PKNOX2: variants seen among roughly 807,000 people sequenced by gnomAD.
PKNOX2 encodes the protein PBX/knotted 1 homeobox 2.
Under a neutral mutation model 53.1 loss-of-function variants are expected in PKNOX2, and 14 were observed. The observed-to-expected ratio is 0.26, with a 90% CI of 0.17 to 0.41. The LOEUF (loss-of-function observed/expected upper bound fraction) is 0.41. Ranked by LOEUF, PKNOX2 falls within the 10% of genes least tolerant of loss-of-function variation. PKNOX2 has a pLI of 1.00. For missense variants in PKNOX2, 496 were observed against 602.8 expected, an observed-to-expected ratio of 0.82 and a Z score of 1.85; for synonymous variants, 257 against 242.8, an observed-to-expected ratio of 1.06 and a Z score of -0.54.
chr11:125,320,834 G>A (rs1036734597), intron 2 of PKNOX2, among the ~76,000 whole-genome samples: 111 of 152,168 alleles, frequency 7.3e-4, no homozygotes, highest in African/African-American at 2.7e-3. Context: ...ACCCTTAGGA[G>A]GCAGGATGAC....
intron 1 of PKNOX2, among the ~76,000 whole-genome samples, chr11:125,193,298 T>C (rs1956988347): frequency 6.6e-6 from 1 of 152,212 alleles, no homozygotes; most frequent in Non-Finnish European, 1.5e-5. Flanking sequence ...ACAGTGTATC[T>C]GCGCGGCAGA....
In PKNOX2 at chr11:125,220,687, G is replaced by A. The variant is rs77410804; in HGVS notation, c.-200-14358G>A. On this transcript the variant is annotated intron_variant, in intron 1 of 12. Transcript: ENST00000298282. ...TCCCGTCATACCTTGCCTAGGATCC[G>A]GCCTTGTTCTATTTCTCCATCCATC... Among the ~76,000 whole-genome samples, 1,460 of 152,208 alleles carry A rather than the reference G, an allele frequency of 9.6e-3. 28 individuals are homozygous for A. The highest frequency in any genetic ancestry group is 0.033 in the African/African-American group (1,385 of 41,512).
chr11:125,189,919 C>T (rs1359810285), intron 1 of PKNOX2: 2 of 145,464 alleles, frequency 1.4e-5, no homozygotes, highest in East Asian at 4.2e-4. Flanking sequence ...GTTAATAGCT[C>T]TCTTTTCATT....
chr11:125,195,922 C>A lies in PKNOX2; in HGVS notation c.-201+31146C>A, dbSNP rs555116649. On this transcript the variant is annotated intron_variant, in intron 1 of 12. Transcript: ENST00000298282. ...ACACACACACACACACACACACACA[C>A]AATTCATTGACAATATCCCAGACAC... Among the ~76,000 whole-genome samples the A allele has an allele frequency of 1.9e-3, 268 of 141,308 alleles. 1 individual carries two copies. The highest frequency in any genetic ancestry group is 7.2e-3 in the African/African-American group (266 of 37,136). The allele number at this position is 141,308 out of a possible 152,430, so 92.7% of individuals were successfully genotyped here. A position where few individuals can be genotyped will look rare whatever the true frequency, so the allele number is the denominator to read the frequency against.
Position 125,235,759 on chromosome 11 carries a change from G to A in PKNOX2, c.-130+644G>A, listed in dbSNP as rs539195907. 2.6e-5 allele frequency among the ~76,000 whole-genome samples: 4 copies of A among 152,272 alleles called. No individual in the cohort carries two copies. In the East Asian group the frequency reaches 7.7e-4, roughly 29 times the overall value. On this transcript the variant is annotated intron_variant, in intron 2 of 12. Transcript: ENST00000298282. ...TCTCTTCCCCTTCTGAAATTCCGCA[G>A]CATTCACACACGCTGCCCCTGCCTG...
At chr11:125,174,566 AG>A (rs1217421999) in intron 1 of PKNOX2, among the ~76,000 whole-genome samples, 1 of 152,208 alleles carries the variant, frequency 6.6e-6, no homozygotes, top group East Asian at 1.9e-4. Flanking sequence ...AGTTTGTAGA[AG>A]GTGATAGGAC....
intron 7 of PKNOX2, among the ~76,000 whole-genome samples, chr11:125,399,956 T>C (rs1452871186): frequency 6.6e-6 from 1 of 152,172 alleles, no homozygotes; most frequent in Non-Finnish European, 1.5e-5. Flanking sequence ...ATGGTTAAGT[T>C]CTCAGAGATG....
At chr11:125,286,979 G>A (rs1004422586) in intron 2 of PKNOX2, among the ~76,000 whole-genome samples, 3 of 152,184 alleles carry the variant, frequency 2.0e-5, no homozygotes, top group African/African-American at 4.8e-5. Context: ...TGTGCTGCAC[G>A]TGGGATCCTG....
At chr11:125,429,407 C>T (rs910373602) in intron 11 of PKNOX2, among the ~76,000 whole-genome samples, 2 of 152,178 alleles carry the variant, frequency 1.3e-5, no homozygotes, top group Admixed American at 6.5e-5. Context: ...CAGGATTGCC[C>T]GCAGCTGTGC....
intron 2 of PKNOX2, among the ~76,000 whole-genome samples, chr11:125,258,239 A>G (rs568317751): frequency 4.6e-5 from 7 of 152,094 alleles, no homozygotes. Context: ...TGCACACACT[A>G]AAACCATAAC....
Position 125,262,216 on chromosome 11 carries a change from C to T in PKNOX2, c.-130+27101C>T, listed in dbSNP as rs1051225093. ...CCAGACAGTGAGACAGTGGAGGCGG[C>T]GGTGGGGGGGTGGTTCTTTATGCAG... On this transcript the variant is annotated intron_variant, in intron 2 of 12. Coordinates refer to ENST00000298282, the MANE Select transcript of PKNOX2 (RefSeq NM_001382323.2). Among the ~76,000 whole-genome samples the T allele has an allele frequency of 3.9e-5, 6 of 151,992 alleles. No homozygotes were observed. In the South Asian group the frequency reaches 6.2e-4, roughly 16 times the overall value.
chr11:125,429,061 A>C lies in PKNOX2; in HGVS notation c.986A>C (p.Asn329Thr), dbSNP rs769334714. Residue 329 changes from asparagine to threonine, a missense_variant, in exon 11 of 13, where the codon AAC (asparagine) becomes ACC (threonine). This residue lies in a region of PKNOX2 where 36 missense variants were observed against 81.9 expected (regional missense o/e 0.44). Coordinates refer to ENST00000298282, the MANE Select transcript of PKNOX2 (RefSeq NM_001382323.2). ...AAGAGGCAGATCGCAGCCCAGACCA[A>C]CCTCACCCTCCTGCAAGTAAACAAC... Reference protein sequence around the residue: ...DEKRQIAAQTNLTLLQVNNWF... With the variant: ...DEKRQIAAQTTLTLLQVNNWF... The C allele has an allele frequency of 1.2e-6, 2 of 1,613,426 alleles. No individual in the cohort carries two copies. The highest frequency in any genetic ancestry group is 1.7e-6 in the Non-Finnish European group (2 of 1,179,580).
chr11:125,382,842 G>C (rs4937006), intron 5 of PKNOX2, among the ~76,000 whole-genome samples: 20,597 of 152,202 alleles, frequency 0.14, 1,776 homozygotes, highest in East Asian at 0.35. Context: ...CTAAGCTAAC[G>C]CATTGTTTTC....
intron 2 of PKNOX2, among the ~76,000 whole-genome samples, chr11:125,303,546 G>A (rs1948223579): frequency 6.6e-6 from 1 of 152,188 alleles, no homozygotes; most frequent in Non-Finnish European, 1.5e-5. Flanking sequence ...GGATCAGGGA[G>A]TTCAGACTCA....
chr11:125,317,753 A>G (rs1460716528), intron 2 of PKNOX2, among the ~76,000 whole-genome samples: 1 of 152,124 alleles, frequency 6.6e-6, no homozygotes, highest in Middle Eastern at 3.2e-3. Context: ...GGGTCCTAGG[A>G]CTTTTGGAAT....
intron 1 of PKNOX2, among the ~76,000 whole-genome samples, chr11:125,232,969 T>TG (rs1942350648): frequency 6.6e-6 from 1 of 151,842 alleles, no homozygotes; most frequent in South Asian, 2.1e-4. Context: ...CAAGAGTCTG[T>TG]GAAAAAAAAG....
intron 2 of PKNOX2, among the ~76,000 whole-genome samples, chr11:125,290,988 TG>T (rs978632870): frequency 6.6e-6 from 1 of 152,076 alleles, no homozygotes; most frequent in African/African-American, 2.4e-5. Context: ...CAGAAGGAGC[TG>T]AGACAGACGC....
rs1951282815 is a variant in PKNOX2, at chr11:125,351,109, C to T, written c.-22-175C>T. Among the ~76,000 whole-genome samples, 4 of 152,142 alleles carry T rather than the reference C, an allele frequency of 2.6e-5. No homozygotes were observed. The South Asian group carries it at 8.3e-4, about 31-fold the overall frequency. On this transcript the variant is annotated intron_variant, in intron 3 of 12. Transcript: ENST00000298282. ...TTCAAGTCAAAATAGCACAGCAAGC[C>T]CCTCCCCACCCAGGCCTCTTCCTTA...
chr11:125,278,749 A>C (rs2067158872), intron 2 of PKNOX2, among the ~76,000 whole-genome samples: 2 of 152,220 alleles, frequency 1.3e-5, no homozygotes, highest in African/African-American at 4.8e-5. Context: ...ATCATATCAC[A>C]GGGAATGTCA....
Sources: gnomAD v4.1 joint callset for allele counts (sites outside exome capture counted in the v4.1 genomes callset) on GRCh38, gnomAD v4.1.1 for gene constraint, gnomAD v4.1.1 regional missense constraint, MANE v1.5 for transcripts, NCBI Gene and HGNC (gene_info 2026-07-23, HGNC 2026-07-21) for gene names.